The following NALF1 variants were observed in gnomAD, a reference collection of about 807,000 sequenced individuals.
NALF1 encodes NALCN channel auxiliary factor 1, also known as family with sequence similarity 155 member A.
In NALF1, 3 loss-of-function variants were observed where a neutral mutation model predicts 48.4. The observed-to-expected ratio is 0.06, with a 90% CI of 0.03 to 0.16. The LOEUF (loss-of-function observed/expected upper bound fraction) is 0.16. NALF1 is among the 10% of genes least tolerant of loss of function. NALF1 has a pLI of 1.00. For synonymous variants in NALF1, 262 were observed against 245.7 expected (o/e 1.07, Z -0.62); for missense variants, 526 against 571.5 (o/e 0.92, Z 0.81).
intron 1 of NALF1, among the ~76,000 whole-genome samples, chr13:107,756,136 GA>G (rs1877086068): frequency 6.6e-6 from 1 of 152,182 alleles, no homozygotes; most frequent in African/African-American, 2.4e-5. Flanking sequence ...AGAGAAGCTA[GA>G]AGAGAGAAAC....
At chr13:107,756,046 T>A (rs542737696) in intron 1 of NALF1, among the ~76,000 whole-genome samples, 1 of 152,202 alleles carries the variant, frequency 6.6e-6, no homozygotes, top group Non-Finnish European at 1.5e-5. Context: ...CTTCCTAGGT[T>A]ACTAAAGACA....
At chr13:107,321,419 C>G (rs549192904) in intron 1 of NALF1, among the ~76,000 whole-genome samples, 3 of 152,238 alleles carry the variant, frequency 2.0e-5, no homozygotes, top group African/African-American at 7.2e-5. Context: ...ACATCCTGAT[C>G]TCCACTGGAA....
intron 1 of NALF1, among the ~76,000 whole-genome samples, chr13:107,468,050 A>G (rs1255445142): frequency 6.7e-6 from 1 of 150,300 alleles, no homozygotes; most frequent in Non-Finnish European, 1.5e-5. Context: ...TCCGTCTCAA[A>G]AAAAAAAAAA....
At chr13:107,569,875 A>G (rs1042965829) in intron 1 of NALF1, among the ~76,000 whole-genome samples, 1 of 152,196 alleles carries the variant, frequency 6.6e-6, no homozygotes, top group Non-Finnish European at 1.5e-5. Context: ...ATACATGAAC[A>G]TGATATATCT....
At chr13:107,599,765 T>C (rs750743949) in intron 1 of NALF1, among the ~76,000 whole-genome samples, 16 of 152,198 alleles carry the variant, frequency 1.1e-4, no homozygotes, top group African/African-American at 2.7e-4. Flanking sequence ...ATATTAATTA[T>C]CATAAATACA....
intron 1 of NALF1, among the ~76,000 whole-genome samples, chr13:107,653,285 T>C (rs1880492494): frequency 6.7e-6 from 1 of 149,812 alleles, no homozygotes; most frequent in Non-Finnish European, 1.5e-5. Flanking sequence ...ATTCTGTTTG[T>C]TTTATCGTAG....
At chr13:107,414,459 G>C (rs904689998) in intron 1 of NALF1, among the ~76,000 whole-genome samples, 13 of 148,520 alleles carry the variant, frequency 8.8e-5, no homozygotes, top group African/African-American at 3.0e-4. Flanking sequence ...TATTATATTC[G>C]GTAACAAATT....
intron 1 of NALF1, among the ~76,000 whole-genome samples, chr13:107,692,803 T>G (rs978319043): frequency 6.6e-6 from 1 of 152,210 alleles, no homozygotes; most frequent in South Asian, 2.1e-4. Flanking sequence ...TATGGTTGTA[T>G]GGCTAGAAAT....
chr13:107,380,941 G>A (rs1377933777), intron 1 of NALF1, among the ~76,000 whole-genome samples: 1 of 141,876 alleles, frequency 7.0e-6, no homozygotes, highest in Non-Finnish European at 1.5e-5. Flanking sequence ...TCGTGCCACT[G>A]CACTCCAGCC....
In NALF1 at chr13:107,436,417, T is replaced by A. The variant is rs952343233; in HGVS notation, c.916-225662A>T. ...CTGGTTTAATATTTGAAAACAAATC[T>A]GTCATTCACAGTATTAGCACAAAAA... is the stretch of plus-strand genomic sequence containing the variant. On this transcript the variant is annotated intron_variant, in intron 1 of 2. Transcript: ENST00000375915. Among the ~76,000 whole-genome samples, 4 of 152,200 alleles carry A rather than the reference T, an allele frequency of 2.6e-5. 1 individual carries two copies. In the South Asian group the frequency reaches 6.2e-4, roughly 24 times the overall value.
Position 107,370,752 on chromosome 13 carries a change from T to C in NALF1, c.916-159997A>G, listed in dbSNP as rs74416566. 1.4e-3 allele frequency among the ~76,000 whole-genome samples: 213 copies of C among 152,290 alleles called. 1 individual carries two copies. The highest frequency in any genetic ancestry group is 4.7e-3 in the African/African-American group (196 of 41,562). On this transcript the variant is annotated intron_variant, in intron 1 of 2. Transcript: ENST00000375915. ...ATATTTTATTTTATAAAAAAAGGTT[T>C]CACTGACTCACAGTTCAGCATGGCT...
At chr13:107,785,735 C>T (rs1420403127) in intron 1 of NALF1, among the ~76,000 whole-genome samples, 2 of 152,126 alleles carry the variant, frequency 1.3e-5, no homozygotes, top group African/African-American at 4.8e-5. Flanking sequence ...CAAATAAATA[C>T]CTATAATAAT....
chr13:107,292,914 C>G (rs1455311201), intron 1 of NALF1, among the ~76,000 whole-genome samples: 7 of 152,162 alleles, frequency 4.6e-5, no homozygotes, highest in Non-Finnish European at 2.9e-5. Context: ...AGAGTGATGC[C>G]TTGTGCTACA....
intron 1 of NALF1, among the ~76,000 whole-genome samples, chr13:107,707,377 C>T (rs1875427619): frequency 6.6e-6 from 1 of 152,120 alleles, no homozygotes; most frequent in Non-Finnish European, 1.5e-5. Flanking sequence ...TGCAATAGGA[C>T]TTTTAAAATT....
At chr13:107,443,721 T>C (rs1401485528) in intron 1 of NALF1, among the ~76,000 whole-genome samples, 1 of 152,176 alleles carries the variant, frequency 6.6e-6, no homozygotes, top group Non-Finnish European at 1.5e-5. Flanking sequence ...GATTAAACCA[T>C]GACAGTATGT....
At chr13:107,430,046 G>A (rs1156334537) in intron 1 of NALF1, among the ~76,000 whole-genome samples, 1 of 152,162 alleles carries the variant, frequency 6.6e-6, no homozygotes, top group African/African-American at 2.4e-5. Flanking sequence ...TGAGTTCTGA[G>A]CCTTGATATT....
intron 1 of NALF1, among the ~76,000 whole-genome samples, chr13:107,452,440 T>C (rs1884757765): frequency 1.3e-5 from 2 of 152,152 alleles, no homozygotes; most frequent in South Asian, 4.1e-4. Context: ...AAGGGCCAAG[T>C]GAATGGGCAA....
intron 1 of NALF1, among the ~76,000 whole-genome samples, chr13:107,515,150 A>C (rs57479251): frequency 0.023 from 3,563 of 152,260 alleles, 140 homozygotes; most frequent in African/African-American, 0.082. Context: ...CCTTTTGCAA[A>C]AGTGCAGTGT....
At chr13:107,812,555 A>C (rs536444234) in intron 1 of NALF1, among the ~76,000 whole-genome samples, 9 of 152,282 alleles carry the variant, frequency 5.9e-5, no homozygotes, top group African/African-American at 2.2e-4. Flanking sequence ...TTAATATTCA[A>C]ACTTCTCTGT....
Sources: gnomAD v4.1 joint callset for allele counts (sites outside exome capture counted in the v4.1 genomes callset) on GRCh38, gnomAD v4.1.1 for gene constraint, MANE v1.5 for transcripts, NCBI Gene and HGNC (gene_info 2026-07-23, HGNC 2026-07-21) for gene names.